AMPH: variants seen among roughly 807,000 people sequenced by gnomAD.
The protein encoded by AMPH is amphiphysin (Stiff-Mann syndrome with breast cancer 128kD autoantigen).
A neutral mutation model predicts 99.1 loss-of-function variants in AMPH; 49 were observed. The ratio of observed to expected loss-of-function variants is 0.49; its 90% CI spans 0.39 to 0.63. The LOEUF is 0.63. Among genes scored for constraint, AMPH ranks in the 20% least tolerant of loss-of-function variants. The pLI is 0.00. For synonymous variants in AMPH, 314 were observed against 317.3 expected, an observed-to-expected ratio of 0.99 and a Z score of 0.11; for missense variants, 759 against 863.4, an observed-to-expected ratio of 0.88 and a Z score of 1.52.
At chr7:38,586,605 A>G (rs10269719) in intron 1 of AMPH, among the ~76,000 whole-genome samples, 20,666 of 152,188 alleles carry the variant, frequency 0.14, 1,891 homozygotes, top group Admixed American at 0.25. Flanking sequence ...AAGGTCTGAC[A>G]TGGAAGGAGG....
At chr7:38,588,951 C>G (rs1443735862) in intron 1 of AMPH, among the ~76,000 whole-genome samples, 2 of 152,082 alleles carry the variant, frequency 1.3e-5, no homozygotes, top group Non-Finnish European at 1.5e-5. Flanking sequence ...CAACCACTGA[C>G]TACTACACAG....
chr7:38,469,153 CAAAAAAAAAAAAAAAAAAAAAAAAA>C (rs869172352), intron 7 of AMPH, among the ~76,000 whole-genome samples: 1 of 28,886 alleles, frequency 3.5e-5, no homozygotes, highest in Non-Finnish European at 4.9e-5. Flanking sequence ...GACTCCGCCT[CAAAAAAAAAAAAAAAAAAAAAAAAA>C]AAAAAAAAAA....
At chr7:38,467,088 C>G (rs900806180) in intron 7 of AMPH, among the ~76,000 whole-genome samples, 29 of 152,094 alleles carry the variant, frequency 1.9e-4, no homozygotes, top group Non-Finnish European at 3.7e-4. Context: ...GACATCTATT[C>G]ATTAATAAAG....
chr7:38,529,547 C>T (rs1169823938), intron 2 of AMPH, among the ~76,000 whole-genome samples: 2 of 152,220 alleles, frequency 1.3e-5, no homozygotes, highest in Non-Finnish European at 2.9e-5. Flanking sequence ...GTTTGAAAAA[C>T]ACTGCTCTGG....
intron 1 of AMPH, among the ~76,000 whole-genome samples, chr7:38,576,534 A>T (rs1287512087): frequency 6.6e-6 from 1 of 152,168 alleles, no homozygotes; most frequent in Admixed American, 6.6e-5. Flanking sequence ...TCGTATGTTA[A>T]GTGCTGGTTT....
intron 11 of AMPH, among the ~76,000 whole-genome samples, chr7:38,451,360 GTATATATAT>G (rs1787018212): frequency 1.4e-5 from 2 of 141,650 alleles, no homozygotes; most frequent in Non-Finnish European, 3.0e-5. Flanking sequence ...TTATATACAC[GTATATATAT>G]GTGTATATAC....
At chr7:38,460,164 G>A (rs35142313) in intron 11 of AMPH, among the ~76,000 whole-genome samples, 47,702 of 151,922 alleles carry the variant, frequency 0.31, 8,552 homozygotes, top group Non-Finnish European at 0.42. Flanking sequence ...AGTTAGAATG[G>A]CTATTATTAA....
At chr7:38,504,080 T>G (rs111527399) in intron 2 of AMPH, among the ~76,000 whole-genome samples, 2 of 152,328 alleles carry the variant, frequency 1.3e-5, no homozygotes, top group African/African-American at 4.8e-5. Context: ...GCAATTGAGA[T>G]GTACTGTAAG....
At chr7:38,540,506 C>A (rs1262813666) in intron 1 of AMPH, among the ~76,000 whole-genome samples, 5 of 151,750 alleles carry the variant, frequency 3.3e-5, no homozygotes, top group Admixed American at 3.3e-4. Context: ...AATATTTCAT[C>A]TTAATTGCCT....
chr7:38,431,966 C>T, intron 13 of AMPH: 2 of 609,714 alleles, frequency 3.3e-6, no homozygotes, highest in Non-Finnish European at 6.0e-6. Context: ...AATTATTGAC[C>T]ATTATTCACC....
At chr7:38,446,759 T>C (rs1271549818) in intron 11 of AMPH, among the ~76,000 whole-genome samples, 5 of 152,176 alleles carry the variant, frequency 3.3e-5, no homozygotes, top group Non-Finnish European at 2.9e-5. Flanking sequence ...TGTGCATATG[T>C]AAACATGTAC....
chr7:38,462,463 G>T (rs996660739), intron 10 of AMPH, among the ~76,000 whole-genome samples: 1 of 152,098 alleles, frequency 6.6e-6, no homozygotes, highest in African/African-American at 2.4e-5. Flanking sequence ...AGTTACCTTT[G>T]CCCAGCCCTT....
chr7:38,600,311 TATTCCTTCC>T (rs1014865502), intron 1 of AMPH, among the ~76,000 whole-genome samples: 13 of 152,192 alleles, frequency 8.5e-5, no homozygotes, highest in Non-Finnish European at 1.9e-4. Flanking sequence ...CCTGTTATAA[TATTCCTTCC>T]ATTCCATGCC....
At chr7:38,490,080 G>A (rs1788664810) in intron 5 of AMPH, among the ~76,000 whole-genome samples, 1 of 152,042 alleles carries the variant, frequency 6.6e-6, no homozygotes, top group Non-Finnish European at 1.5e-5. Flanking sequence ...CAAATCCCAA[G>A]GCAAAAATTG....
At chr7:38,434,660 A>G (rs1291676703) in intron 12 of AMPH, among the ~76,000 whole-genome samples, 1 of 151,928 alleles carries the variant, frequency 6.6e-6, no homozygotes, top group African/African-American at 2.4e-5. Context: ...AATGGCGTGA[A>G]CCAGGGAGGT....
chr7:38,489,871 G>C (rs542853107), intron 5 of AMPH, among the ~76,000 whole-genome samples: 1 of 152,204 alleles, frequency 6.6e-6, no homozygotes, highest in African/African-American at 2.4e-5. Context: ...AGGTTCTAGA[G>C]ATCTGCTGTG....
At chr7:38,525,258 GTATA>G (rs141925117) in intron 2 of AMPH, among the ~76,000 whole-genome samples, 20 of 111,204 alleles carry the variant, frequency 1.8e-4, no homozygotes, top group South Asian at 3.4e-4. Flanking sequence ...GTGTGTGTGT[GTATA>G]TATATATATA....
At chr7:38,429,807 C>CA (rs1407495009) in intron 14 of AMPH, 35 bp downstream of exon 14, 6 of 1,594,248 alleles carry the variant, frequency 3.8e-6, no homozygotes, top group African/African-American at 2.7e-5. Flanking sequence ...TATCAAATAC[C>CA]AAAAAAATCC....
chr7:38,614,306 T>C (rs1562863105), intron 1 of AMPH, among the ~76,000 whole-genome samples: 1 of 152,196 alleles, frequency 6.6e-6, no homozygotes, highest in African/African-American at 2.4e-5. Context: ...AGAATTGCAA[T>C]TGGCAAACAA....
Sources: allele counts gnomAD v4.1 joint callset (sites outside exome capture counted in the v4.1 genomes callset), GRCh38; gene constraint gnomAD v4.1.1; transcripts MANE v1.5; gene names NCBI Gene and HGNC (gene_info 2026-07-23, HGNC 2026-07-21).